The following EGFR variants were observed in gnomAD, a reference collection of about 807,000 sequenced individuals.
EGFR encodes avian erythroblastic leukemia viral (v-erb-b) oncogene homolog.
Under a neutral mutation model 143.0 loss-of-function variants are expected in EGFR, and 58 were observed. The observed-to-expected ratio is 0.41, with a 90% CI of 0.33 to 0.50. The LOEUF (loss-of-function observed/expected upper bound fraction) is 0.50, where lower values mean the gene tolerates loss of function less well. EGFR is among the 20% of genes least tolerant of loss of function. EGFR has a pLI of 0.39. For missense variants in EGFR, 1,307 were observed against 1,579.0 expected (o/e 0.83, Z 2.92); for synonymous variants, 613 against 594.4 (o/e 1.03, Z -0.45).
intron 1 of EGFR, among the ~76,000 whole-genome samples, chr7:55,109,383 GGGAT>G (rs771202898): frequency 2.7e-4 from 41 of 152,340 alleles, no homozygotes; most frequent in Non-Finnish European, 4.0e-4. Context: ...ATCGGGTGTT[GGGAT>G]GTGTTCCCAG....
intron 22 of EGFR, among the ~76,000 whole-genome samples, chr7:55,196,243 G>A (rs1252069867): frequency 1.5e-5 from 2 of 135,178 alleles, no homozygotes; most frequent in Non-Finnish European, 3.1e-5. Flanking sequence ...TCTCAGTGTG[G>A]TTTTGATTTT....
At chr7:55,137,987 G>T (rs1794247799) in intron 1 of EGFR, among the ~76,000 whole-genome samples, 2 of 152,138 alleles carry the variant, frequency 1.3e-5, no homozygotes, top group African/African-American at 4.8e-5. Context: ...AAACAACAAT[G>T]ATGACTGCAA....
At chr7:55,166,854 G>A (rs1221491765) in intron 15 of EGFR, among the ~76,000 whole-genome samples, 1 of 85,500 alleles carries the variant, frequency 1.2e-5, no homozygotes. Flanking sequence ...GTGAGGAGGT[G>A]GGAGTCACAA....
intron 1 of EGFR, among the ~76,000 whole-genome samples, chr7:55,029,032 G>A (rs994840927): frequency 2.6e-5 from 4 of 152,162 alleles, no homozygotes; most frequent in African/African-American, 9.7e-5. Context: ...GGTGGCACGT[G>A]CCTGTAGTCC....
At chr7:55,067,922 G>A (rs959767438) in intron 1 of EGFR, among the ~76,000 whole-genome samples, 3 of 151,138 alleles carry the variant, frequency 2.0e-5, no homozygotes, top group Admixed American at 2.0e-4. Flanking sequence ...CTGTGTATGT[G>A]TGTCTGCGCA....
chr7:55,077,832 G>A (rs1004563944), intron 1 of EGFR, among the ~76,000 whole-genome samples: 7 of 152,142 alleles, frequency 4.6e-5, no homozygotes, highest in Admixed American at 6.5e-5. Context: ...ATGCAGGCCC[G>A]TCTTTTCTTT....
intron 27 of EGFR, 35 bp from the exon 28 acceptor site, chr7:55,205,220 CT>C: frequency 6.2e-7 from 1 of 1,612,368 alleles, no homozygotes; most frequent in Non-Finnish European, 8.5e-7. Flanking sequence ...TGGTGCTTTG[CT>C]GATTACTTCA....
chr7:55,053,031 G>A (rs1015193267), intron 1 of EGFR, among the ~76,000 whole-genome samples: 4 of 152,070 alleles, frequency 2.6e-5, no homozygotes, highest in South Asian at 2.1e-4. Flanking sequence ...CCTGAGTCTC[G>A]GAAAATAGCA....
At chr7:55,195,173 T>A (rs549661414) in intron 22 of EGFR, among the ~76,000 whole-genome samples, 1 of 152,226 alleles carries the variant, frequency 6.6e-6, no homozygotes, top group African/African-American at 2.4e-5. Context: ...AATGAGACAG[T>A]CTTTCTTTTA....
At position 55,089,562 on chromosome 7, in the gene EGFR, G is replaced by A. The variant is rs76618981; in HGVS notation, c.89-52724G>A. On this transcript the variant is annotated intron_variant, in intron 1 of 27. Transcript: ENST00000275493. ...CATCCTTTCACACAACACTATCTCC[G>A]TTTCATGGTTATGAATCTCTAAAAG... Among the ~76,000 whole-genome samples the A allele has an allele frequency of 9.9e-4, 150 of 152,132 alleles. 3 individuals are homozygous for A. Among genetic ancestry groups the A allele is most frequent in the African/African-American group, 3.3e-3 (136 of 41,490 alleles).
chr7:55,202,764 G>A (rs1480535731), intron 27 of EGFR, 139 bp downstream of exon 27: 3 of 789,136 alleles, frequency 3.8e-6, no homozygotes, highest in South Asian at 2.9e-5. Flanking sequence ...CAGACACAGT[G>A]AAGGGCGTAA....
At chr7:55,106,799 G>A (rs1485895140) in intron 1 of EGFR, among the ~76,000 whole-genome samples, 1 of 152,078 alleles carries the variant, frequency 6.6e-6, no homozygotes, top group African/African-American at 2.4e-5. Context: ...ATTGTAAAAT[G>A]TACACTGTAA....
chr7:55,038,998 C>T (rs1419406372), intron 1 of EGFR, among the ~76,000 whole-genome samples: 1 of 151,180 alleles, frequency 6.6e-6, no homozygotes, highest in Non-Finnish European at 1.5e-5. Context: ...GATCTGGTAC[C>T]AGTTAGTAAT....
chr7:55,070,958 C>T (rs1789787526), intron 1 of EGFR, among the ~76,000 whole-genome samples: 1 of 152,224 alleles, frequency 6.6e-6, no homozygotes, highest in Non-Finnish European at 1.5e-5. Flanking sequence ...TATTCCATGG[C>T]AACATGGGTA....
At position 55,200,312 on chromosome 7, in the gene EGFR, C is replaced by T; in HGVS notation, c.2849-4C>T. On this transcript the variant is annotated splice_polypyrimidine_tract_variant and splice_region_variant and intron_variant, in intron 23 of 27. Coordinates refer to ENST00000275493, the MANE Select transcript of EGFR (RefSeq NM_005228.5). ...TGCACTGTTTTTTCTCATTCCTTCC[C>T]CAGGCTGGATGATAGACGCAGATAG... 1.9e-6 allele frequency: 3 copies of T among 1,613,972 alleles called. No homozygotes were observed. The highest frequency in any genetic ancestry group is 2.5e-6 in the Non-Finnish European group (3 of 1,179,876).
intron 1 of EGFR, among the ~76,000 whole-genome samples, chr7:55,065,830 CTTT>C (rs35171442): frequency 1.7e-4 from 21 of 120,456 alleles, no homozygotes; most frequent in Admixed American, 9.6e-4. Context: ...GACTAAGTGG[CTTT>C]TTTTTTTTTT....
intron 1 of EGFR, among the ~76,000 whole-genome samples, chr7:55,082,102 T>C (rs1265409533): frequency 6.6e-6 from 1 of 152,212 alleles, no homozygotes; most frequent in Non-Finnish European, 1.5e-5. Flanking sequence ...ATCTAGGGCC[T>C]TCCTCTCACT....
rs774146556 is a variant in EGFR at position 55,146,626 on chromosome 7, C to G, written c.445C>G (p.Arg149Gly). ...NLQEILHGAV[R>G]FSNNPALCNV... Reference sequence around the variant, plus strand: ...CGCAGAAATCCTGCATGGCGCCGTGCGGTTCAGCAACAACCCTGCCCTGTG... The same window carrying G: ...CGCAGAAATCCTGCATGGCGCCGTGGGGTTCAGCAACAACCCTGCCCTGTG... Residue 149 changes from arginine (R) to glycine (G), a missense_variant, in exon 4 of 28, where the codon CGG becomes GGG. Arg to Gly is a moderately radical substitution (Grantham distance 125). Around this residue, in one of 7 missense-constraint regions of EGFR, gnomAD observed 311 missense variants for 412.3 expected, o/e 0.75. Coordinates refer to ENST00000275493, the MANE Select transcript of EGFR (RefSeq NM_005228.5). 6.2e-7 allele frequency: 1 copy of G among 1,614,172 alleles called. No individual in the cohort carries two copies. Among genetic ancestry groups the G allele is most frequent in the South Asian group, 1.1e-5 (1 of 91,080 alleles).
chr7:55,065,450 A>G (rs1789438246), intron 1 of EGFR, among the ~76,000 whole-genome samples: 2 of 152,240 alleles, frequency 1.3e-5, no homozygotes, highest in African/African-American at 4.8e-5. Flanking sequence ...GGTGGCTACT[A>G]ACACATTTGT....
Sources: gnomAD v4.1 joint callset for allele counts (sites outside exome capture counted in the v4.1 genomes callset) on GRCh38, gnomAD v4.1.1 for gene constraint, gnomAD v4.1.1 regional missense constraint, MANE v1.5 for transcripts, NCBI Gene and HGNC (gene_info 2026-07-23, HGNC 2026-07-21) for gene names.